Variants in NXPH1 observed in about 807,000 individuals in gnomAD.
The protein encoded by NXPH1 is neurexophilin-1.
Under a neutral mutation model 23.7 loss-of-function variants are expected in NXPH1, and 5 were observed. That is an observed-to-expected ratio of 0.21 (90% CI 0.11 to 0.44). The LOEUF is 0.44. Ranked by LOEUF, NXPH1 falls within the 20% of genes least tolerant of loss-of-function variation. The probability of loss-of-function intolerance (pLI) is 0.99; values close to 1 mark genes in which losing one functional copy is unlikely to be tolerated. For synonymous variants in NXPH1, 144 were observed against 122.2 expected (o/e 1.18, Z -1.18); for missense variants, 324 against 321.6 (o/e 1.01, Z -0.06).
chr7:8,532,581 C>T (rs944308747), intron 2 of NXPH1, among the ~76,000 whole-genome samples: 20 of 151,838 alleles, frequency 1.3e-4, no homozygotes, highest in African/African-American at 4.8e-4. Context: ...CAGAAAGCGA[C>T]TTTCCTATGT....
At chr7:8,720,140 C>G (rs1186720342) in intron 2 of NXPH1, among the ~76,000 whole-genome samples, 1 of 47,808 alleles carries the variant, frequency 2.1e-5, no homozygotes. Flanking sequence ...GGGAATGCCT[C>G]TACTTGGTTA....
At chr7:8,490,641 T>C (rs150972442) in intron 2 of NXPH1, among the ~76,000 whole-genome samples, 1 of 152,164 alleles carries the variant, frequency 6.6e-6, no homozygotes, top group African/African-American at 2.4e-5. Flanking sequence ...GGGAACATTT[T>C]GACTACAACT....
intron 2 of NXPH1, among the ~76,000 whole-genome samples, chr7:8,712,071 T>A (rs949973999): frequency 4.9e-4 from 75 of 152,116 alleles, no homozygotes; most frequent in African/African-American, 1.8e-3. Context: ...CAAAAGAGAG[T>A]CGAGAAGTGG....
intron 2 of NXPH1, among the ~76,000 whole-genome samples, chr7:8,665,123 A>G (rs560319373): frequency 2.2e-4 from 34 of 152,022 alleles, no homozygotes; most frequent in Non-Finnish European, 3.7e-4. Flanking sequence ...GATTTCCCCT[A>G]TGTTTCCTTC....
At chr7:8,449,961 C>T (rs930728330) in intron 2 of NXPH1, among the ~76,000 whole-genome samples, 8 of 152,216 alleles carry the variant, frequency 5.3e-5, no homozygotes, top group African/African-American at 1.9e-4. Context: ...CTGCTCGTGG[C>T]ATGTGGGACA....
At chr7:8,481,886 C>T (rs1817078493) in intron 2 of NXPH1, among the ~76,000 whole-genome samples, 1 of 152,154 alleles carries the variant, frequency 6.6e-6, no homozygotes, top group African/African-American at 2.4e-5. Context: ...CTTCTGAGCC[C>T]TCTGGAGTTC....
At chr7:8,454,630 A>G (rs982833080) in intron 2 of NXPH1, among the ~76,000 whole-genome samples, 3 of 152,096 alleles carry the variant, frequency 2.0e-5, no homozygotes, top group Non-Finnish European at 2.9e-5. Flanking sequence ...TTCCTCCTCT[A>G]TGATATACTC....
At chr7:8,631,744 G>A (rs1276296664) in intron 2 of NXPH1, among the ~76,000 whole-genome samples, 1 of 152,048 alleles carries the variant, frequency 6.6e-6, no homozygotes, top group Non-Finnish European at 1.5e-5. Flanking sequence ...AGAAAGCCAT[G>A]GATTATTGGA....
intron 2 of NXPH1, among the ~76,000 whole-genome samples, chr7:8,723,529 T>A (rs996726576): frequency 6.6e-6 from 1 of 152,254 alleles, no homozygotes; most frequent in African/African-American, 2.4e-5. Context: ...TGGGGATTTT[T>A]GGTATAACAT....
chr7:8,688,446 C>T (rs904736122), intron 2 of NXPH1, among the ~76,000 whole-genome samples: 7 of 152,076 alleles, frequency 4.6e-5, no homozygotes, highest in Non-Finnish European at 1.0e-4. Flanking sequence ...TATTAGATTG[C>T]TGCTTCTGTC....
chr7:8,582,319 G>A (rs76884061), intron 2 of NXPH1, among the ~76,000 whole-genome samples: 1,751 of 152,300 alleles, frequency 0.011, 18 homozygotes, highest in South Asian at 0.057. Context: ...CCCTGTTTGC[G>A]TTATAGCTCT....
At chr7:8,495,888 G>C (rs770803193) in intron 2 of NXPH1, among the ~76,000 whole-genome samples, 3 of 151,976 alleles carry the variant, frequency 2.0e-5, no homozygotes, top group Non-Finnish European at 4.4e-5. Flanking sequence ...AATTTAGTGG[G>C]GCAGGCAAAG....
intron 2 of NXPH1, among the ~76,000 whole-genome samples, chr7:8,627,624 C>T (rs1046030695): frequency 5.9e-5 from 9 of 152,062 alleles, no homozygotes; most frequent in African/African-American, 2.2e-4. Flanking sequence ...GATCATGAAG[C>T]AGGAGAACCT....
At chr7:8,579,643 A>T (rs2128623452) in intron 2 of NXPH1, among the ~76,000 whole-genome samples, 1 of 152,304 alleles carries the variant, frequency 6.6e-6, no homozygotes, top group East Asian at 1.9e-4. Context: ...AAGTGCTGGG[A>T]TTATAGGCGT....
At chr7:8,463,920 C>A (rs929778202) in intron 2 of NXPH1, among the ~76,000 whole-genome samples, 1 of 152,148 alleles carries the variant, frequency 6.6e-6, no homozygotes, top group Non-Finnish European at 1.5e-5. Flanking sequence ...ATATTTGCAT[C>A]TTTGTCTGTC....
At chr7:8,721,367 G>T (rs912847149) in intron 2 of NXPH1, among the ~76,000 whole-genome samples, 1 of 152,024 alleles carries the variant, frequency 6.6e-6, no homozygotes. Context: ...TTGTAAATTG[G>T]AAATTATACC....
chr7:8,495,836 C>A (rs1230225112), intron 2 of NXPH1, among the ~76,000 whole-genome samples: 1 of 151,964 alleles, frequency 6.6e-6, no homozygotes, highest in Non-Finnish European at 1.5e-5. Context: ...CCTATGGCAG[C>A]AGGATAGACA....
At chr7:8,602,863 C>A (rs1022360745) in intron 2 of NXPH1, among the ~76,000 whole-genome samples, 1 of 152,048 alleles carries the variant, frequency 6.6e-6, no homozygotes, top group African/African-American at 2.4e-5. Flanking sequence ...TGGAGTCTCA[C>A]TGTTGCCCAG....
At chr7:8,577,419 G>T (rs955649074) in intron 2 of NXPH1, among the ~76,000 whole-genome samples, 1 of 152,094 alleles carries the variant, frequency 6.6e-6, no homozygotes, top group African/African-American at 2.4e-5. Context: ...GTGGTGATTG[G>T]GGAATATGTA....
Sources: allele counts gnomAD v4.1 joint callset (sites outside exome capture counted in the v4.1 genomes callset), GRCh38; gene constraint gnomAD v4.1.1; transcripts MANE v1.5; gene names NCBI Gene and HGNC (gene_info 2026-07-23, HGNC 2026-07-21).